TNIP3: variants seen among roughly 807,000 people sequenced by gnomAD.
TNIP3 encodes TNFAIP3 interacting protein 3.
In TNIP3, 34 loss-of-function variants were observed where a neutral mutation model predicts 54.1. That is an observed-to-expected ratio of 0.63 (90% CI 0.48 to 0.84). The LOEUF (loss-of-function observed/expected upper bound fraction) is 0.84. Among genes scored for constraint, TNIP3 ranks in the 40% least tolerant of loss-of-function variants. TNIP3 has a pLI of 0.00. For synonymous variants in TNIP3, 134 were observed against 136.8 expected (o/e 0.98, Z 0.14); for missense variants, 366 against 387.6 (o/e 0.94, Z 0.47).
intron 3 of TNIP3, among the ~76,000 whole-genome samples, chr4:121,171,441 G>A (rs1220899750): frequency 6.6e-6 from 1 of 152,190 alleles, no homozygotes; most frequent in South Asian, 2.1e-4. Context: ...GTGGGTATAT[G>A]TGTATACCAT....
upstream of TNIP3, among the ~76,000 whole-genome samples, chr4:121,164,764 T>C (rs1375136351): frequency 6.6e-6 from 1 of 152,114 alleles, no homozygotes; most frequent in Non-Finnish European, 1.5e-5. Flanking sequence ...GTAAAGAAAA[T>C]GGGCATTGTT....
chr4:121,218,546 C>T (rs1228286553), upstream of TNIP3, among the ~76,000 whole-genome samples: 1 of 150,332 alleles, frequency 6.7e-6, no homozygotes, highest in Non-Finnish European at 1.5e-5. Flanking sequence ...CCCTTCCTTC[C>T]TTCCTTCTTT....
chr4:121,189,456 A>G (rs1045882045), intron 2 of TNIP3, among the ~76,000 whole-genome samples: 4 of 152,244 alleles, frequency 2.6e-5, no homozygotes, highest in African/African-American at 9.6e-5. Flanking sequence ...CTAATCAAGC[A>G]GCAATTTTCA....
At chr4:121,137,904 G>A (rs777628030) in intron 10 of TNIP3, 2 of 455,310 alleles carry the variant, frequency 4.4e-6, no homozygotes, top group African/African-American at 2.0e-5. Context: ...TTTTGATTAT[G>A]TATACTTGAT....
rs901138569 is a variant in TNIP3, at chr4:121,138,622, A to C, written c.946+2T>G. 3.7e-6 allele frequency: 6 copies of C among 1,613,436 alleles called. No individual in the cohort carries two copies. Among genetic ancestry groups the C allele is most frequent in the Non-Finnish European group, 4.2e-6 (5 of 1,179,488 alleles). ...GAATGCTCAATACAGCTGTGGTCTCACCATTTGCCTTGTGTTGTACATCTG... is the reference window on the plus strand; with the variant it reads ...GAATGCTCAATACAGCTGTGGTCTCCCCATTTGCCTTGTGTTGTACATCTG... On this transcript the variant is annotated splice_donor_variant, in intron 10 of 10. Coordinates refer to ENST00000057513, the MANE Select transcript of TNIP3 (RefSeq NM_024873.6). LOFTEE classifies it high-confidence loss of function.
chr4:121,132,670 A>G lies in TNIP3; in HGVS notation c.947-8T>C. On this transcript the variant is annotated splice_region_variant and splice_polypyrimidine_tract_variant and intron_variant, in intron 10 of 10. Coordinates refer to ENST00000057513, the MANE Select transcript of TNIP3 (RefSeq NM_024873.6). ...TCTTTACTGAGGATAAACCTATGGAAAACAGTAGGAAAATGTTTTAGATTA... is the reference window on the plus strand; with the variant it reads ...TCTTTACTGAGGATAAACCTATGGAGAACAGTAGGAAAATGTTTTAGATTA... 1 of 1,607,538 alleles carries G rather than the reference A, an allele frequency of 6.2e-7. No individual in the cohort carries two copies. Among genetic ancestry groups the G allele is most frequent in the Non-Finnish European group, 8.5e-7 (1 of 1,174,188 alleles).
At chr4:121,168,584 A>G (rs1730900628), upstream of TNIP3, among the ~76,000 whole-genome samples, 2 of 150,532 alleles carry the variant, frequency 1.3e-5, no homozygotes, top group African/African-American at 4.9e-5. Context: ...GCAGTGGTAC[A>G]ATCATAGCTC....
chr4:121,203,889 T>C (rs1477981091), intron 2 of TNIP3, among the ~76,000 whole-genome samples: 3 of 149,400 alleles, frequency 2.0e-5, no homozygotes, highest in African/African-American at 7.4e-5. Flanking sequence ...AAGTAGAGTA[T>C]ATATACAATA....
chr4:121,188,944 G>A (rs1725161917), intron 2 of TNIP3, among the ~76,000 whole-genome samples: 1 of 152,206 alleles, frequency 6.6e-6, no homozygotes, highest in Non-Finnish European at 1.5e-5. Context: ...GATGCCTGGT[G>A]AGCATGCAAC....
At chr4:121,218,660 G>A (rs903334527), upstream of TNIP3, among the ~76,000 whole-genome samples, 13 of 149,226 alleles carry the variant, frequency 8.7e-5, no homozygotes, top group African/African-American at 2.5e-4. Context: ...CTTTTGAGAC[G>A]ATGTCTCACT....
chr4:121,207,498 T>A (rs1357685530), intron 2 of TNIP3, among the ~76,000 whole-genome samples: 2 of 152,256 alleles, frequency 1.3e-5, no homozygotes, highest in Admixed American at 1.3e-4. Context: ...TCTTACTTTC[T>A]GTATTATTTC....
intron 2 of TNIP3, among the ~76,000 whole-genome samples, chr4:121,191,576 A>G (rs1262325685): frequency 6.6e-6 from 1 of 152,226 alleles, no homozygotes; most frequent in East Asian, 1.9e-4. Flanking sequence ...TGTCAACTAT[A>G]GTTGTCCTTT....
intron 3 of TNIP3, among the ~76,000 whole-genome samples, chr4:121,170,840 G>T (rs1731026587): frequency 6.6e-6 from 1 of 151,844 alleles, no homozygotes; most frequent in Non-Finnish European, 1.5e-5. Flanking sequence ...TTTAAAGAAG[G>T]AATCTTGCTC....
At chr4:121,203,701 G>C (rs1579488612) in intron 2 of TNIP3, among the ~76,000 whole-genome samples, 1 of 151,886 alleles carries the variant, frequency 6.6e-6, no homozygotes, top group Non-Finnish European at 1.5e-5. Context: ...TCAAATAGTA[G>C]CCTGTTTTAT....
intron 3 of TNIP3, among the ~76,000 whole-genome samples, chr4:121,173,483 C>A (rs1035013186): frequency 6.6e-6 from 1 of 152,040 alleles, no homozygotes; most frequent in East Asian, 1.9e-4. Flanking sequence ...GAAATTCAGC[C>A]TTTTAAAACT....
In TNIP3 at chr4:121,161,119, G is replaced by T; in HGVS notation, c.147+17C>A. 1.3e-6 allele frequency: 2 copies of T among 1,550,012 alleles called. No individual in the cohort carries two copies. Among genetic ancestry groups the T allele is most frequent in the Non-Finnish European group, 1.8e-6 (2 of 1,137,348 alleles). ...AATCCATGGCACCTGTGGCTTTAGC[G>T]AATATTTCTAAGTTACCTCTTTTCT... is the stretch of plus-strand genomic sequence containing the variant. On this transcript the variant is annotated intron_variant, in intron 2 of 10. Coordinates refer to ENST00000057513, the MANE Select transcript of TNIP3 (RefSeq NM_024873.6).
chr4:121,153,477 T>G (rs1049857679), intron 5 of TNIP3, among the ~76,000 whole-genome samples: 3 of 152,192 alleles, frequency 2.0e-5, no homozygotes, highest in African/African-American at 7.2e-5. Context: ...TGTGCAACAT[T>G]TTCTGGAAAA....
At chr4:121,214,254 G>C (rs997111064) in intron 2 of TNIP3, among the ~76,000 whole-genome samples, 1 of 151,936 alleles carries the variant, frequency 6.6e-6, no homozygotes, top group Non-Finnish European at 1.5e-5. Context: ...TGCACTTCCG[G>C]GTATATACAC....
chr4:121,154,775 T>C lies in TNIP3; in HGVS notation c.364-96A>G, dbSNP rs1729984078. On this transcript the variant is annotated intron_variant, in intron 4 of 10. Transcript: ENST00000057513. ...GATATATCAGCCATGGCAGGCAGAT[T>C]GAGGGGTCACCCTTCTGAAATACAA... 3 of 1,174,438 alleles carry C rather than the reference T, an allele frequency of 2.6e-6. No individual in the cohort carries two copies. In the East Asian group the frequency reaches 7.7e-5, roughly 30 times the overall value. 72.8% of individuals were successfully genotyped at this position (1,174,438 alleles called of 1,614,324 possible).
Sources: allele counts gnomAD v4.1 joint callset (sites outside exome capture counted in the v4.1 genomes callset), GRCh38; gene constraint gnomAD v4.1.1; transcripts MANE v1.5; gene names NCBI Gene and HGNC (gene_info 2026-07-23, HGNC 2026-07-21).